KANSL1L: variants seen among roughly 807,000 people sequenced by gnomAD.
KANSL1L encodes the protein KAT8 regulatory NSL complex subunit 1-like protein.
A neutral mutation model predicts 108.6 loss-of-function variants in KANSL1L; 25 were observed. The observed-to-expected ratio is 0.23, with a 90% CI of 0.17 to 0.32. The LOEUF (loss-of-function observed/expected upper bound fraction) is 0.32, where lower values mean the gene tolerates loss of function less well. Among genes scored for constraint, KANSL1L ranks in the 10% least tolerant of loss-of-function variants. The probability of loss-of-function intolerance (pLI) is 1.00; values close to 1 mark genes in which losing one functional copy is unlikely to be tolerated. For synonymous variants in KANSL1L, 405 were observed against 395.1 expected (o/e 1.03, Z -0.30); for missense variants, 1,137 against 1,125.7 (o/e 1.01, Z -0.14).
rs754720858 is a variant in KANSL1L, at chr2:210,153,809, A to G, written c.774T>C (p.Gly258=). Residue 258 remains glycine, a synonymous_variant, in exon 2 of 15, where the codon GGT becomes GGC. Transcript: ENST00000281772. ...LLAKHVVKHY[G]QQMKLSMKHQ... ...GTTTCATAGACAATTTCATCTGCTGACCATAGTGCTTAACAACATGCTTTG... is the reference window on the plus strand; with the variant it reads ...GTTTCATAGACAATTTCATCTGCTGGCCATAGTGCTTAACAACATGCTTTG... 10 of 1,613,194 alleles carry G rather than the reference A, an allele frequency of 6.2e-6. No homozygotes were observed. The Admixed American group carries it at 1.7e-4, about 27-fold the overall frequency.
At chr2:210,099,729 T>A (rs940423412) in intron 4 of KANSL1L, among the ~76,000 whole-genome samples, 1 of 152,126 alleles carries the variant, frequency 6.6e-6, no homozygotes, top group East Asian at 1.9e-4. Context: ...ACGTCGCTAA[T>A]TGGATATATG....
intron 8 of KANSL1L, among the ~76,000 whole-genome samples, chr2:210,037,903 G>C (rs999195389): frequency 1.3e-5 from 2 of 152,086 alleles, no homozygotes; most frequent in Non-Finnish European, 2.9e-5. Context: ...TCTATAAACA[G>C]CAGGCTTATT....
In KANSL1L at chr2:210,094,027, T is replaced by C. The variant is rs570034609; in HGVS notation, c.1550+4059A>G. Reference sequence around the variant, plus strand: ...AGAGTAGTCAAATTCATATAGAAGGTAAAGTGGTAGTGGCCAGGAGCTGAA... The same window carrying C: ...AGAGTAGTCAAATTCATATAGAAGGCAAAGTGGTAGTGGCCAGGAGCTGAA... On this transcript the variant is annotated intron_variant, in intron 5 of 14. Transcript: ENST00000281772. Among the ~76,000 whole-genome samples the C allele has an allele frequency of 2.6e-5, 4 of 152,158 alleles. No individual in the cohort carries two copies. The East Asian group carries it at 7.7e-4, about 29-fold the overall frequency.
At chr2:210,137,722 AT>A (rs1290341470) in intron 2 of KANSL1L, among the ~76,000 whole-genome samples, 2 of 152,222 alleles carry the variant, frequency 1.3e-5, no homozygotes, top group African/African-American at 4.8e-5. Context: ...GGGTGGGAAA[AT>A]AATATAATAT....
intron 1 of KANSL1L, among the ~76,000 whole-genome samples, 174 bp downstream of exon 1, chr2:210,170,975 C>T (rs1215338895): frequency 1.3e-5 from 2 of 152,088 alleles, no homozygotes; most frequent in Non-Finnish European, 2.9e-5. Flanking sequence ...GAGCGCGATC[C>T]CGTGCCGAGA....
chr2:210,150,380 T>A (rs1235507261), intron 2 of KANSL1L, among the ~76,000 whole-genome samples: 1 of 152,254 alleles, frequency 6.6e-6, no homozygotes, highest in Non-Finnish European at 1.5e-5. Flanking sequence ...TTTCTGTATA[T>A]GTTTTACACA....
At chr2:210,051,254 C>G (rs948537456) in intron 6 of KANSL1L, among the ~76,000 whole-genome samples, 1 of 152,020 alleles carries the variant, frequency 6.6e-6, no homozygotes, top group African/African-American at 2.4e-5. Context: ...CTTCATGGAC[C>G]TTTATTTGTC....
intron 5 of KANSL1L, among the ~76,000 whole-genome samples, chr2:210,076,483 G>A (rs1335635119): frequency 6.6e-6 from 1 of 151,950 alleles, no homozygotes; most frequent in African/African-American, 2.4e-5. Context: ...CACTGCACCT[G>A]GCTATTAGTT....
intron 4 of KANSL1L, among the ~76,000 whole-genome samples, chr2:210,098,928 C>A (rs932052742): frequency 1.3e-5 from 2 of 151,064 alleles, no homozygotes; most frequent in East Asian, 1.9e-4. Flanking sequence ...AAAACAATCA[C>A]AATTATAATA....
At chr2:210,057,753 G>A (rs972704597) in intron 6 of KANSL1L, among the ~76,000 whole-genome samples, 42 of 152,160 alleles carry the variant, frequency 2.8e-4, no homozygotes, top group Admixed American at 2.0e-4. Flanking sequence ...AATTTCTTAC[G>A]CCTGTCTTTA....
chr2:210,075,749 C>T lies in KANSL1L; in HGVS notation c.1558G>A (p.Glu520Lys), dbSNP rs942868811. Residue 520 changes from glutamate to lysine, a missense_variant, in exon 6 of 15, where the codon GAG (glutamate) becomes AAG (lysine). By Grantham distance (56) the Glu-to-Lys change is moderately conservative (BLOSUM62 1). Around this residue, in one of 3 missense-constraint regions of KANSL1L, gnomAD observed 575 missense variants for 567.1 expected, o/e 1.01. Transcript: ENST00000281772. ...LANGIYRSAS[E>K]NLDELSSSSS... Reference sequence around the variant, plus strand: ...GAGGAAGACAGCTCATCTAAATTCTCTGATGCACTGAAATGCCATGAAATA... The same window carrying T: ...GAGGAAGACAGCTCATCTAAATTCTTTGATGCACTGAAATGCCATGAAATA... The T allele has an allele frequency of 6.2e-6, 10 of 1,611,724 alleles. No individual in the cohort carries two copies. Among genetic ancestry groups the T allele is most frequent in the Non-Finnish European group, 8.5e-6 (10 of 1,178,124 alleles).
At chr2:210,114,285 C>T (rs1012099839) in intron 3 of KANSL1L, among the ~76,000 whole-genome samples, 2 of 151,918 alleles carry the variant, frequency 1.3e-5, no homozygotes, top group Non-Finnish European at 2.9e-5. Context: ...AAGCAAAAAA[C>T]AAACAAAAGA....
In KANSL1L at chr2:210,031,502, A is replaced by G; in HGVS notation, c.2074T>C (p.Cys692Arg). Reference protein sequence around the residue: ...NQWRNGYSPICKPQIRSESSA... With the variant: ...NQWRNGYSPIRKPQIRSESSA... Reference sequence around the variant, plus strand: ...GATTCTGACCTTATTTGAGGCTTACATATAGGTGAATATCCATTTCTCCAT... The same window carrying G: ...GATTCTGACCTTATTTGAGGCTTACGTATAGGTGAATATCCATTTCTCCAT... Residue 692 changes from cysteine to arginine, a missense_variant, in exon 9 of 15, where the codon TGT becomes CGT. Coordinates refer to ENST00000281772, the MANE Select transcript of KANSL1L (RefSeq NM_152519.4). 6.4e-7 allele frequency: 1 copy of G among 1,551,324 alleles called. No homozygotes were observed.
intron 1 of KANSL1L, among the ~76,000 whole-genome samples, chr2:210,168,617 TATC>T (rs1688133564): frequency 6.6e-6 from 1 of 152,056 alleles, no homozygotes; most frequent in African/African-American, 2.4e-5. Flanking sequence ...TAATCTAAGG[TATC>T]ATGATAAATG....
At chr2:210,076,116 A>G (rs1652185944) in intron 5 of KANSL1L, among the ~76,000 whole-genome samples, 1 of 152,204 alleles carries the variant, frequency 6.6e-6, no homozygotes, top group Non-Finnish European at 1.5e-5. Flanking sequence ...ATGAAAATAC[A>G]TAGATTACAG....
chr2:210,048,732 A>AT (rs891563010), intron 6 of KANSL1L, among the ~76,000 whole-genome samples: 25 of 146,024 alleles, frequency 1.7e-4, no homozygotes, highest in South Asian at 1.1e-3. Flanking sequence ...GTGTTCTGTG[A>AT]TTTTTTTTTT....
intron 1 of KANSL1L, among the ~76,000 whole-genome samples, chr2:210,168,922 T>C (rs1688157919): frequency 6.6e-6 from 1 of 152,098 alleles, no homozygotes; most frequent in Non-Finnish European, 1.5e-5. Context: ...ATGTCAAACA[T>C]GAAATATATT....
At position 210,075,687 on chromosome 2, in the gene KANSL1L, T is replaced by G. The variant is rs922326642; in HGVS notation, c.1620A>C (p.Lys540Asn). ...TCAGTCTTGTCCTGTCTTTTCTCTT[T>G]TTCTTACTGTGCTTCTGGTTAAGTA... ...SWLLNQKHSK[K>N]KRKDRTRLKS... Residue 540 changes from lysine to asparagine, a missense_variant, in exon 6 of 15, where the codon AAA (lysine) becomes AAC (asparagine). Physicochemically the swap from Lys to Asn is moderately conservative, Grantham distance 94. This residue lies in a region of KANSL1L where 575 missense variants were observed against 567.1 expected (regional missense o/e 1.01). Coordinates refer to ENST00000281772, the MANE Select transcript of KANSL1L (RefSeq NM_152519.4). The G allele has an allele frequency of 6.2e-7, 1 of 1,614,026 alleles. No homozygotes were observed. Among genetic ancestry groups the G allele is most frequent in the Non-Finnish European group, 8.5e-7 (1 of 1,179,922 alleles).
At position 210,077,444 on chromosome 2, in the gene KANSL1L, G is replaced by A. The variant is rs530322623; in HGVS notation, c.1551-1688C>T. Among the ~76,000 whole-genome samples, 117 of 152,236 alleles carry A rather than the reference G, an allele frequency of 7.7e-4. No homozygotes were observed. In the South Asian group the frequency reaches 0.023, roughly 31 times the overall value. On this transcript the variant is annotated intron_variant, in intron 5 of 14. Coordinates refer to ENST00000281772, the MANE Select transcript of KANSL1L (RefSeq NM_152519.4). Reference sequence around the variant, plus strand: ...TTTTCTGTCATATCAAGGGGGAGCAGAAGGCATACAGGAGAGCCAATATGA... The same window carrying A: ...TTTTCTGTCATATCAAGGGGGAGCAAAAGGCATACAGGAGAGCCAATATGA...
Sources: allele counts gnomAD v4.1 joint callset (sites outside exome capture counted in the v4.1 genomes callset), GRCh38; gene constraint gnomAD v4.1.1; regional missense constraint gnomAD v4.1.1; transcripts MANE v1.5; gene names NCBI Gene and HGNC (gene_info 2026-07-23, HGNC 2026-07-21).